EMC2: variants seen among roughly 807,000 people sequenced by gnomAD.
EMC2 encodes the protein TPR repeat protein 35.
A neutral mutation model predicts 51.6 loss-of-function variants in EMC2; 37 were observed. That is an observed-to-expected ratio of 0.72 (90% confidence interval 0.55 to 0.94). EMC2 has a LOEUF of 0.94. Ranked by LOEUF, EMC2 falls within the 40% of genes least tolerant of loss-of-function variation. EMC2 has a pLI of 0.00. For synonymous variants in EMC2, 131 were observed against 112.4 expected (o/e 1.17, Z -1.04); for missense variants, 359 against 350.9 (o/e 1.02, Z -0.18).
At chr8:108,475,690 T>G in intron 7 of EMC2, 192 bp from the exon 8 acceptor site, 1 of 503,208 alleles carries the variant, frequency 2.0e-6, no homozygotes, top group South Asian at 2.6e-5. Context: ...TTTATTAATT[T>G]CATGATAAAA....
intron 5 of EMC2, among the ~76,000 whole-genome samples, chr8:108,467,448 A>G (rs1173576821): frequency 6.6e-6 from 1 of 152,038 alleles, no homozygotes. Context: ...TCCCGGGTTC[A>G]GTTGATTCTC....
chr8:108,460,044 ATTC>A (rs1483174856), intron 5 of EMC2, among the ~76,000 whole-genome samples: 1 of 152,168 alleles, frequency 6.6e-6, no homozygotes, highest in African/African-American at 2.4e-5. Context: ...CTTATTTCTT[ATTC>A]TTAATTTATA....
chr8:108,469,818 A>G lies in EMC2; in HGVS notation c.364-8A>G, dbSNP rs1331130263. On this transcript the variant is annotated splice_region_variant and splice_polypyrimidine_tract_variant and intron_variant, in intron 5 of 10. Transcript: ENST00000220853. ...AGGGCCTAATCCTTTATTAATGTCAACCCACAGGCTGCAAGAAAGCGTAAG... is the reference window on the plus strand; with the variant it reads ...AGGGCCTAATCCTTTATTAATGTCAGCCCACAGGCTGCAAGAAAGCGTAAG... 1 of 1,612,300 alleles carries G rather than the reference A, an allele frequency of 6.2e-7. No individual in the cohort carries two copies. Among genetic ancestry groups the G allele is most frequent in the South Asian group, 1.1e-5 (1 of 90,966 alleles).
At chr8:108,461,622 G>A (rs1005822725) in intron 5 of EMC2, among the ~76,000 whole-genome samples, 6 of 152,174 alleles carry the variant, frequency 3.9e-5, no homozygotes, top group Admixed American at 2.0e-4. Context: ...GAAGGAATAA[G>A]GTAATTAGAA....
chr8:108,463,756 T>G (rs1488121403), intron 5 of EMC2, among the ~76,000 whole-genome samples: 1 of 152,086 alleles, frequency 6.6e-6, no homozygotes, highest in Non-Finnish European at 1.5e-5. Context: ...TTAGAGCCAC[T>G]CTATCTTCAG....
intron 7 of EMC2, chr8:108,474,591 G>T (rs918271557): frequency 6.6e-6 from 1 of 151,578 alleles, no homozygotes; most frequent in East Asian, 1.9e-4. Context: ...ATATATATAT[G>T]TGGTCCTTCA....
In EMC2 at chr8:108,453,121, A is replaced by G; in HGVS notation, c.279A>G (p.Thr93=). ...GCAGTCACAGAGTCAAGCGATTAAC[A>G]GGCATGAGATTTGAAGCCATGGAAA... ...FPGSHRVKRL[T]GMRFEAMERY... is the part of the protein sequence containing the mutation. Residue 93 remains threonine, a synonymous_variant, in exon 4 of 11, where the codon ACA becomes ACG. Transcript: ENST00000220853. 1.2e-6 allele frequency: 2 copies of G among 1,608,288 alleles called. No homozygotes were observed. The highest frequency in any genetic ancestry group is 1.1e-5 in the South Asian group (1 of 90,278).
intron 4 of EMC2, 78 bp downstream of exon 4, chr8:108,453,225 C>G: frequency 1.4e-6 from 1 of 724,052 alleles, no homozygotes. Context: ...TTAATTCAGA[C>G]ATTCTAGAGT....
chr8:108,460,693 A>G (rs766510063), intron 5 of EMC2, among the ~76,000 whole-genome samples: 8 of 152,228 alleles, frequency 5.3e-5, no homozygotes, highest in Admixed American at 1.3e-4. Flanking sequence ...GTATACAGAA[A>G]TATTCCAAAA....
At chr8:108,468,985 T>C (rs1372530851) in intron 5 of EMC2, among the ~76,000 whole-genome samples, 1 of 152,162 alleles carries the variant, frequency 6.6e-6, no homozygotes, top group African/African-American at 2.4e-5. Context: ...ACGTATCATA[T>C]GTGGGACCGT....
At chr8:108,446,809 A>G (rs1818887029) in intron 1 of EMC2, among the ~76,000 whole-genome samples, 1 of 152,226 alleles carries the variant, frequency 6.6e-6, no homozygotes, top group Non-Finnish European at 1.5e-5. Flanking sequence ...TATGTGGTTA[A>G]TAGTGCTACA....
intron 2 of EMC2, 109 bp downstream of exon 2, chr8:108,450,045 C>G (rs147499785): frequency 8.5e-4 from 417 of 491,876 alleles, no homozygotes; most frequent in African/African-American, 3.7e-3. Flanking sequence ...TATTAATTTT[C>G]TTTGTGACTT....
rs1478001726 is a variant in EMC2, at chr8:108,476,757, T to A, written c.592-25T>A. On this transcript the variant is annotated intron_variant, in intron 8 of 10. Transcript: ENST00000220853. Reference sequence around the variant, plus strand: ...TTTCAAAGTAGTAAAATAAACAGTTTTCAGCACTTTGCAATTTTTAACAGG... The same window carrying A: ...TTTCAAAGTAGTAAAATAAACAGTTATCAGCACTTTGCAATTTTTAACAGG... 7.9e-6 allele frequency: 8 copies of A among 1,012,378 alleles called. No individual in the cohort carries two copies. The Admixed American group carries it at 1.4e-4, about 17-fold the overall frequency. 62.7% of individuals were successfully genotyped at this position (1,012,378 alleles called of 1,614,324 possible). A position where few individuals can be genotyped will look rare whatever the true frequency, so the allele number is the denominator to read the frequency against.
intron 7 of EMC2, chr8:108,474,833 C>T (rs1225740908): frequency 6.6e-6 from 1 of 151,916 alleles, no homozygotes; most frequent in African/African-American, 2.4e-5. Context: ...ATTCTCAGCT[C>T]TAGCATGTTG....
At chr8:108,447,134 A>C (rs1818895787) in intron 1 of EMC2, among the ~76,000 whole-genome samples, 1 of 152,172 alleles carries the variant, frequency 6.6e-6, no homozygotes, top group Non-Finnish European at 1.5e-5. Context: ...TATAAACTGA[A>C]ACCAAAGTTG....
intron 5 of EMC2, among the ~76,000 whole-genome samples, chr8:108,464,479 T>G (rs566673271): frequency 6.6e-6 from 1 of 152,280 alleles, no homozygotes; most frequent in African/African-American, 2.4e-5. Flanking sequence ...GTGGGGATGA[T>G]GTCTGGGCCA....
At chr8:108,471,195 T>G (rs1181670962) in intron 7 of EMC2, among the ~76,000 whole-genome samples, 1 of 152,020 alleles carries the variant, frequency 6.6e-6, no homozygotes, top group East Asian at 1.9e-4. Flanking sequence ...TGTACACATA[T>G]GTAAACATAC....
chr8:108,483,020 G>C (rs1403799567), intron 10 of EMC2, among the ~76,000 whole-genome samples: 4 of 152,064 alleles, frequency 2.6e-5, no homozygotes, highest in Non-Finnish European at 5.9e-5. Context: ...GTAAAGAGAA[G>C]ATTACAGATT....
intron 5 of EMC2, among the ~76,000 whole-genome samples, chr8:108,464,382 G>T (rs1186003739): frequency 6.6e-6 from 1 of 152,216 alleles, no homozygotes; most frequent in Non-Finnish European, 1.5e-5. Context: ...ACGCCAGCCT[G>T]CTTGTGCCCA....
Sources: gnomAD v4.1 joint callset for allele counts (sites outside exome capture counted in the v4.1 genomes callset) on GRCh38, gnomAD v4.1.1 for gene constraint, MANE v1.5 for transcripts, NCBI Gene and HGNC (gene_info 2026-07-23, HGNC 2026-07-21) for gene names.